GPR161: variants seen among roughly 807,000 people sequenced by gnomAD.
GPR161 encodes the protein G protein-coupled receptor 161.
Under a neutral mutation model 39.2 loss-of-function variants are expected in GPR161, and 25 were observed. The observed-to-expected ratio is 0.64, with a 90% CI of 0.47 to 0.89. The LOEUF is 0.89. Ranked by LOEUF, GPR161 falls within the 40% of genes least tolerant of loss-of-function variation. The pLI is 0.00. For synonymous variants in GPR161, 286 were observed against 276.6 expected (o/e 1.03, Z -0.34); for missense variants, 547 against 677.8 (o/e 0.81, Z 2.14).
chr1:168,085,894 G>T, intron 5 of GPR161, 98 bp from the exon 6 acceptor site: 4 of 1,067,902 alleles, frequency 3.7e-6, no homozygotes, highest in Non-Finnish European at 4.0e-6. Context: ...CGGGGAGGGA[G>T]ACAAACCGCA....
In GPR161 at chr1:168,079,829, C is replaced by T. The variant is rs746091071; in HGVS notation, c.*5702G>A. The stretch of plus-strand genomic sequence containing the variant: ...CTGCTCTCAGTGTGGTCTTGTCTGC[C>T]AGGCCTGTGATTCTCCCTAGGACTG... On this transcript the variant is annotated 3_prime_UTR_variant, in exon 6 of 6. Transcript: ENST00000682931. The T allele has an allele frequency of 2.6e-5, 4 of 152,106 alleles. No homozygotes were observed. The highest frequency in any genetic ancestry group is 4.4e-5 in the Non-Finnish European group (3 of 68,036). The allele number at this position is 152,106 out of a possible 1,614,324, so 9.4% of individuals were successfully genotyped here.
intron 1 of GPR161, among the ~76,000 whole-genome samples, chr1:168,124,645 G>A (rs930763153): frequency 6.6e-6 from 1 of 152,134 alleles, no homozygotes; most frequent in East Asian, 1.9e-4. Flanking sequence ...AAAACACAGT[G>A]ATTCCCTTAA....
upstream of GPR161, chr1:168,137,460 A>G: frequency 1.4e-6 from 2 of 1,444,606 alleles, no homozygotes; most frequent in Non-Finnish European, 1.9e-6. Flanking sequence ...GGGCTCTGTT[A>G]ATACCACAGT....
At chr1:168,109,733 G>A (rs1485425283) in intron 1 of GPR161, among the ~76,000 whole-genome samples, 4 of 152,206 alleles carry the variant, frequency 2.6e-5, no homozygotes, top group Admixed American at 6.5e-5. Context: ...TTGGGAGGCC[G>A]AGGCGGATGG....
At chr1:168,126,028 T>C (rs1698563509) in intron 1 of GPR161, among the ~76,000 whole-genome samples, 2 of 152,236 alleles carry the variant, frequency 1.3e-5, no homozygotes, top group Admixed American at 1.3e-4. Flanking sequence ...TACCCCCAGC[T>C]GTCTGAAGAC....
chr1:168,112,622 C>T (rs148367814), intron 1 of GPR161, among the ~76,000 whole-genome samples: 147 of 151,898 alleles, frequency 9.7e-4, no homozygotes, highest in African/African-American at 3.4e-3. Flanking sequence ...CTTTGTGGGC[C>T]GAGGTGGGCG....
At position 168,104,497 on chromosome 1, in the gene GPR161, G is replaced by A. The variant is rs150679996; in HGVS notation, c.354C>T (p.Leu118=). The A allele has an allele frequency of 4.5e-5, 73 of 1,613,560 alleles. No homozygotes were observed. Among genetic ancestry groups the A allele is most frequent in the Non-Finnish European group, 5.4e-5 (64 of 1,179,664 alleles). ...LLISSASMLT[L]GVIAIDRYYA... is the part of the protein sequence containing the mutation. Reference sequence around the variant, plus strand: ...CTTACCGGTCGATGGCAATGACCCCGAGGGTTAGCATGCTGGCAGAGCTGA... The same window carrying A: ...CTTACCGGTCGATGGCAATGACCCCAAGGGTTAGCATGCTGGCAGAGCTGA... The change falls in exon 2 of 6, where the codon CTC becomes CTT. Residue 118 remains leucine, a synonymous_variant. Transcript: ENST00000682931.
intron 1 of GPR161, among the ~76,000 whole-genome samples, chr1:168,121,362 G>A (rs977793979): frequency 2.0e-5 from 3 of 152,040 alleles, no homozygotes; most frequent in African/African-American, 7.3e-5. Context: ...GCGGCATGTA[G>A]GAAAATGTGA....
At chr1:168,131,613 G>C (rs1420651782) in intron 1 of GPR161, among the ~76,000 whole-genome samples, 1 of 152,066 alleles carries the variant, frequency 6.6e-6, no homozygotes, top group Non-Finnish European at 1.5e-5. Flanking sequence ...GAAAAGCAAA[G>C]AAAGAATGGA....
intron 4 of GPR161, 55 bp downstream of exon 4, chr1:168,090,509 A>C: frequency 9.7e-7 from 1 of 1,029,100 alleles, no homozygotes; most frequent in Non-Finnish European, 1.5e-6. Flanking sequence ...ACACGGGGGA[A>C]ACGCAACACA....
intron 3 of GPR161, among the ~76,000 whole-genome samples, chr1:168,092,356 G>A (rs990351608): frequency 1.3e-5 from 2 of 152,144 alleles, no homozygotes; most frequent in African/African-American, 4.8e-5. Context: ...GGAACATGTC[G>A]GTCTGCACCA....
chr1:168,085,416 T>G lies in GPR161; in HGVS notation c.*115A>C. 1.1e-6 allele frequency: 1 copy of G among 945,908 alleles called. No homozygotes were observed. The highest frequency in any genetic ancestry group is 1.6e-5 in the South Asian group (1 of 63,074). The allele number at this position is 945,908 out of a possible 1,614,324, so 58.6% of individuals were successfully genotyped here. A position where few individuals can be genotyped will look rare whatever the true frequency, so the allele number is the denominator to read the frequency against. ...TGCATACCAGATGCTGCTCCTTCCC[T>G]GTGTGTGGCCAGCTGTACACAGTGA... On this transcript the variant is annotated 3_prime_UTR_variant, in exon 6 of 6. Coordinates refer to ENST00000682931, the MANE Select transcript of GPR161 (RefSeq NM_001375883.1).
rs35233372 is a variant in GPR161, at chr1:168,125,624, C to CTT, written c.-45+11113_-45+11114dup. 4.6e-4 allele frequency among the ~76,000 whole-genome samples: 65 copies of CTT among 142,202 alleles called. 1 individual carries two copies. Among genetic ancestry groups the CTT allele is most frequent in the African/African-American group, 8.4e-4 (32 of 38,176 alleles). 93.3% of individuals were successfully genotyped at this position (142,202 alleles called of 152,430 possible). The stretch of plus-strand genomic sequence containing the variant: ...ATCTTGACTATCTTGCTTCCCCCCC[C>CTT]TTTTTTTTTTTTTGAGACAGTCTCA... On this transcript the variant is annotated intron_variant, in intron 1 of 5. Coordinates refer to ENST00000682931, the MANE Select transcript of GPR161 (RefSeq NM_001375883.1).
At chr1:168,135,196 T>C (rs976298614) in intron 1 of GPR161, among the ~76,000 whole-genome samples, 11 of 152,138 alleles carry the variant, frequency 7.2e-5, no homozygotes, top group African/African-American at 2.7e-4. Flanking sequence ...CTGTGTGCCA[T>C]CAGGAAACCA....
intron 1 of GPR161, among the ~76,000 whole-genome samples, chr1:168,115,828 T>G (rs976889114): frequency 2.0e-5 from 3 of 151,154 alleles, no homozygotes; most frequent in Non-Finnish European, 4.4e-5. Flanking sequence ...CAGGCTGGAG[T>G]GCAGTGGCGC....
intron 5 of GPR161, among the ~76,000 whole-genome samples, chr1:168,087,313 CTGTGTGTGTAAACACGTGTGGGTG>C (rs1337424059): frequency 1.3e-5 from 2 of 151,670 alleles, no homozygotes; most frequent in East Asian, 3.9e-4. Flanking sequence ...AGGATCTGGG[CTGTGTGTGTAAACACGTGTGGGTG>C]TGTGTGTGTG....
At chr1:168,096,128 T>G (rs1695497542) in intron 3 of GPR161, among the ~76,000 whole-genome samples, 1 of 82,496 alleles carries the variant, frequency 1.2e-5, no homozygotes, top group African/African-American at 5.0e-5. Context: ...AGCAAGACCC[T>G]GTCTCAAAAA....
chr1:168,110,572 GAAAAGAAAAGAAAAGAAAAGA>G lies in GPR161; in HGVS notation c.-44-5699_-44-5679del, dbSNP rs1331296416. On this transcript the variant is annotated intron_variant, in intron 1 of 5. Transcript: ENST00000682931. ...GAAAAGAAAAGAAAAGAAAAGAAAA[GAAAAGAAAAGAAAAGAAAAGA>G]AAAGAGACAATAAAACCAATACAAG... Among the ~76,000 whole-genome samples the G allele has an allele frequency of 6.6e-3, 769 of 116,012 alleles. 35 individuals are homozygous for G. Among genetic ancestry groups the G allele is most frequent in the East Asian group, 0.043 (195 of 4,562 alleles). The allele number at this position is 116,012 out of a possible 152,430, so 76.1% of individuals were successfully genotyped here. A position where few individuals can be genotyped will look rare whatever the true frequency, so the allele number is the denominator to read the frequency against.
At chr1:168,136,050 T>C (rs1472505164) in intron 1 of GPR161, 1 of 1,247,304 alleles carries the variant, frequency 8.0e-7, no homozygotes, top group Non-Finnish European at 1.0e-6. Context: ...GTCCAAAGGT[T>C]GCACGGGGGT....
Sources: gnomAD v4.1 joint callset for allele counts (sites outside exome capture counted in the v4.1 genomes callset) on GRCh38, gnomAD v4.1.1 for gene constraint, MANE v1.5 for transcripts, NCBI Gene and HGNC (gene_info 2026-07-23, HGNC 2026-07-21) for gene names.